C17orf99: variants seen among roughly 807,000 people sequenced by gnomAD.
The protein encoded by C17orf99 is chromosome 17 open reading frame 99, also known as protein IL-40.
Under a neutral mutation model 22.6 loss-of-function variants are expected in C17orf99, and 18 were observed. That is an observed-to-expected ratio of 0.80 (90% CI 0.55 to 1.18). The LOEUF (loss-of-function observed/expected upper bound fraction) is 1.18. Ranked by LOEUF, C17orf99 falls within the 50% of genes most tolerant of loss-of-function variation. C17orf99 has a pLI of 0.00. For missense variants in C17orf99, 328 were observed against 342.7 expected, an observed-to-expected ratio of 0.96 and a Z score of 0.34; for synonymous variants, 147 against 136.6, an observed-to-expected ratio of 1.08 and a Z score of -0.53.
intron 2 of C17orf99, among the ~76,000 whole-genome samples, chr17:78,157,052 G>A (rs952258105): frequency 3.3e-5 from 5 of 152,004 alleles, no homozygotes; most frequent in South Asian, 2.1e-4. Context: ...ATAATTGGCC[G>A]TGCACGGTGG....
intron 2 of C17orf99, among the ~76,000 whole-genome samples, chr17:78,147,239 G>A (rs2075444089): frequency 6.6e-6 from 1 of 152,162 alleles, no homozygotes; most frequent in Non-Finnish European, 1.5e-5. Context: ...CCCTGATCGG[G>A]AGCAGAAGCC....
At position 78,158,026 on chromosome 17, in the gene C17orf99, C is replaced by T. The variant is rs2075541954; in HGVS notation, c.71-2929C>T. The T allele has an allele frequency of 3.7e-6, 5 of 1,366,974 alleles. 1 individual carries two copies. In the Middle Eastern group the frequency reaches 6.0e-4, roughly 164 times the overall value. 84.7% of individuals were successfully genotyped at this position (1,366,974 alleles called of 1,614,324 possible). ...GGAATGACTTCCAGCTGATTGGCAT[C>T]CAGGATGGGCACCTATCACTGCTCC... On this transcript the variant is annotated intron_variant, in intron 2 of 4. Coordinates refer to ENST00000340363, the MANE Select transcript of C17orf99 (RefSeq NM_001163075.2).
chr17:78,150,536 A>T (rs930310127), intron 2 of C17orf99, among the ~76,000 whole-genome samples: 4 of 152,204 alleles, frequency 2.6e-5, no homozygotes, highest in Non-Finnish European at 5.9e-5. Context: ...GTGTTGGTAG[A>T]TAATTGTAAC....
chr17:78,164,593 T>C (rs1252809357), intron 4 of C17orf99: 3 of 1,525,638 alleles, frequency 2.0e-6, no homozygotes, highest in Admixed American at 2.0e-5. Context: ...CCCACCATCG[T>C]GCTGGTTGGC....
intron 2 of C17orf99, among the ~76,000 whole-genome samples, chr17:78,150,664 A>T (rs943947386): frequency 6.6e-6 from 1 of 152,178 alleles, no homozygotes; most frequent in Non-Finnish European, 1.5e-5. Flanking sequence ...TCCTAGCCCC[A>T]TGACATGAAG....
intron 2 of C17orf99, among the ~76,000 whole-genome samples, chr17:78,157,205 C>T (rs1260767978): frequency 1.3e-5 from 2 of 151,862 alleles, no homozygotes; most frequent in African/African-American, 4.8e-5. Flanking sequence ...GTGGCTCACA[C>T]CTGTAATCCC....
Position 78,161,105 on chromosome 17 carries a change from TG to T in C17orf99, c.223del (p.Val75Ter), listed in dbSNP as rs762618305. ...GTKNIKVAKK[V>X]VKTHEPASFN... ...AAGAACATCAAGGTGGCCAAGAAGGTGGTGAAGACCCACGAGCCGGCCTCCT... is the reference window on the plus strand; with the variant it reads ...AAGAACATCAAGGTGGCCAAGAAGGTGTGAAGACCCACGAGCCGGCCTCCT... On this transcript the variant is annotated frameshift_variant, in exon 3 of 5. Transcript: ENST00000340363. LOFTEE classifies it high-confidence loss of function. The T allele has an allele frequency of 1.9e-5, 29 of 1,551,622 alleles. No homozygotes were observed. The East Asian group carries it at 6.1e-4, about 33-fold the overall frequency.
intron 3 of C17orf99, 138 bp from the exon 4 acceptor site, chr17:78,163,956 CA>C: frequency 1.4e-6 from 1 of 720,780 alleles, no homozygotes; most frequent in Non-Finnish European, 2.4e-6. Context: ...AGGTGGAGGG[CA>C]AACTCTAGAA....
chr17:78,159,364 C>T lies in C17orf99; in HGVS notation c.71-1591C>T, dbSNP rs189651762. Among the ~76,000 whole-genome samples the T allele has an allele frequency of 1.3e-3, 204 of 152,086 alleles. 2 individuals are homozygous for T. Among genetic ancestry groups the T allele is most frequent in the African/African-American group, 4.4e-3 (183 of 41,524 alleles). On this transcript the variant is annotated intron_variant, in intron 2 of 4. Coordinates refer to ENST00000340363, the MANE Select transcript of C17orf99 (RefSeq NM_001163075.2). ...AATAAATAAATAAAAGTGGGCCGGG[C>T]GCAGTGGCTCACATCTGTAATCCCA...
chr17:78,151,153 A>C (rs1181625394), intron 2 of C17orf99, among the ~76,000 whole-genome samples: 2 of 143,112 alleles, frequency 1.4e-5, no homozygotes, highest in Non-Finnish European at 3.0e-5. Flanking sequence ...GGCCAGGCAC[A>C]ATGGCTCAGG....
chr17:78,149,193 G>T (rs1031523610), intron 2 of C17orf99, among the ~76,000 whole-genome samples: 1 of 151,880 alleles, frequency 6.6e-6, no homozygotes, highest in Admixed American at 6.6e-5. Context: ...TTAGCCGGGC[G>T]TGGTGGCGCA....
chr17:78,155,131 T>TG (rs201752788), intron 2 of C17orf99, among the ~76,000 whole-genome samples: 22,603 of 146,998 alleles, frequency 0.15, 2,745 homozygotes, highest in African/African-American at 0.33. Context: ...CCTATTTTTT[T>TG]TTTTTTTTTT....
chr17:78,165,723 A>T, intron 4 of C17orf99, 166 bp from the exon 5 acceptor site: 2 of 1,085,828 alleles, frequency 1.8e-6, no homozygotes, highest in Non-Finnish European at 2.3e-6. Context: ...AATCACTTGA[A>T]CCCAGGAGGT....
At position 78,146,412 on chromosome 17, in the gene C17orf99, G is replaced by A; in HGVS notation, c.5G>A (p.Gly2Glu). Residue 2 changes from glycine (G) to glutamate (E), a missense_variant, in exon 1 of 5, where the codon GGG becomes GAG. By Grantham distance (98) the Gly-to-Glu change is moderately conservative. Coordinates refer to ENST00000340363, the MANE Select transcript of C17orf99 (RefSeq NM_001163075.2). This position sits in a 1 kb window ranked among gnomAD's most constrained non-coding sequence, Gnocchi z 5.2. M[G>E]LPGLFCLAVL... ...AGGCCCTACACCCACCGAGGCATGG[G>A]GCTCCCTGGGCTGTTCTGCTTGGCC... 1 of 1,550,408 alleles carries A rather than the reference G, an allele frequency of 6.4e-7. No homozygotes were observed. The highest frequency in any genetic ancestry group is 8.7e-7 in the Non-Finnish European group (1 of 1,146,908).
chr17:78,159,997 T>A, intron 2 of C17orf99: 1 of 447,564 alleles, frequency 2.2e-6, no homozygotes. Flanking sequence ...TTTCCACCAT[T>A]TGGCTGTGGT....
intron 2 of C17orf99, among the ~76,000 whole-genome samples, chr17:78,154,267 G>A (rs2075508415): frequency 6.6e-6 from 1 of 152,032 alleles, no homozygotes; most frequent in Admixed American, 6.6e-5. Flanking sequence ...AGGAGAGTCT[G>A]GCTGGGTGCA....
upstream of C17orf99, among the ~76,000 whole-genome samples, chr17:78,146,171 T>C (rs2075436171): frequency 6.6e-6 from 1 of 152,162 alleles, no homozygotes; most frequent in Admixed American, 6.5e-5. The surrounding 1 kb of genome is among the most constrained non-coding windows in gnomAD (Gnocchi z 5.2). Flanking sequence ...CTGGTCTGGC[T>C]TCAAGGTCCA....
chr17:78,159,242 C>T (rs2075553296), intron 2 of C17orf99: 1 of 152,272 alleles, frequency 6.6e-6, no homozygotes, highest in African/African-American at 2.4e-5. Context: ...TAGGCTGAGA[C>T]AGGAGAATCG....
chr17:78,158,862 C>A (rs8071894), intron 2 of C17orf99: 22,240 of 162,042 alleles, frequency 0.14, 1,766 homozygotes, highest in East Asian at 0.22. Context: ...GCAAATGGTC[C>A]TTGTGCCCTC....
Sources: gnomAD v4.1 joint callset for allele counts (sites outside exome capture counted in the v4.1 genomes callset) on GRCh38, gnomAD v4.1.1 for gene constraint, Gnocchi (gnomAD v3.1) non-coding constraint, MANE v1.5 for transcripts, NCBI Gene and HGNC (gene_info 2026-07-23, HGNC 2026-07-21) for gene names.